The following NUP210L variants were observed in gnomAD, a reference collection of about 807,000 sequenced individuals.
The protein encoded by NUP210L is nuclear pore membrane glycoprotein 210-like.
In NUP210L, 74 loss-of-function variants were observed where a neutral mutation model predicts 208.5. That is an observed-to-expected ratio of 0.35 (90% CI 0.29 to 0.43). The LOEUF (loss-of-function observed/expected upper bound fraction) is 0.43. Among genes scored for constraint, NUP210L ranks in the 20% least tolerant of loss-of-function variants. The probability of loss-of-function intolerance (pLI) is 1.00; values close to 1 mark genes in which losing one functional copy is unlikely to be tolerated. For missense variants in NUP210L, 1,843 were observed against 2,289.4 expected, an observed-to-expected ratio of 0.81 and a Z score of 3.98; for synonymous variants, 780 against 816.9, an observed-to-expected ratio of 0.95 and a Z score of 0.77.
intron 12 of NUP210L, among the ~76,000 whole-genome samples, chr1:154,108,370 A>G (rs1458162540): frequency 6.6e-6 from 1 of 151,974 alleles, no homozygotes; most frequent in African/African-American, 2.4e-5. Flanking sequence ...GTTGGCCAGG[A>G]TGGTCTCGAA....
intron 16 of NUP210L, among the ~76,000 whole-genome samples, chr1:154,081,031 G>A (rs934897672): frequency 4.7e-5 from 7 of 148,800 alleles, no homozygotes; most frequent in South Asian, 2.2e-4. Context: ...AGAAATGGAA[G>A]AAGAGGAACA....
At chr1:154,054,569 AT>A in intron 24 of NUP210L, among the ~76,000 whole-genome samples, 162 bp from the exon 25 acceptor site, 1 of 152,342 alleles carries the variant, frequency 6.6e-6, no homozygotes, top group South Asian at 2.1e-4. Context: ...AGTACTGCAA[AT>A]GATCCATGGG....
At chr1:154,097,027 T>C (rs550028674) in intron 14 of NUP210L, among the ~76,000 whole-genome samples, 48 of 152,196 alleles carry the variant, frequency 3.2e-4, no homozygotes, top group African/African-American at 1.1e-3. Context: ...GTTGCCGAGA[T>C]TGCACCACTG....
chr1:154,115,894 G>A (rs371700065), intron 12 of NUP210L, among the ~76,000 whole-genome samples: 23 of 152,096 alleles, frequency 1.5e-4, no homozygotes, highest in African/African-American at 4.6e-4. Flanking sequence ...CGGGGTGGGC[G>A]GATCACTTGA....
At chr1:154,094,877 G>A in intron 15 of NUP210L, 58 bp downstream of exon 15, 1 of 1,273,144 alleles carries the variant, frequency 7.9e-7, no homozygotes, top group South Asian at 1.3e-5. Flanking sequence ...ATGGCTGGAA[G>A]TACAAAGGAT....
rs201013029 is a variant in NUP210L, at chr1:154,071,871, C to T, written c.2362-1406G>A. 3.2e-4 allele frequency among the ~76,000 whole-genome samples: 48 copies of T among 151,992 alleles called. 4 individuals are homozygous for T. Among genetic ancestry groups the T allele is most frequent in the East Asian group, 2.5e-3 (13 of 5,154 alleles). On this transcript the variant is annotated intron_variant, in intron 16 of 39. Transcript: ENST00000368559. Reference sequence around the variant, plus strand: ...CAGGATGGTCTCAATCCCCTGACCTCGTGATCTGCCCACCTCGGCCTCCCA... The same window carrying T: ...CAGGATGGTCTCAATCCCCTGACCTTGTGATCTGCCCACCTCGGCCTCCCA...
At chr1:154,083,523 G>A (rs1473733277) in intron 16 of NUP210L, among the ~76,000 whole-genome samples, 1 of 152,078 alleles carries the variant, frequency 6.6e-6, no homozygotes, top group Non-Finnish European at 1.5e-5. Flanking sequence ...CTTAGGTGTG[G>A]GCAGTCTTGG....
chr1:154,024,688 AT>A (rs35432384), intron 30 of NUP210L, among the ~76,000 whole-genome samples: 150 of 136,468 alleles, frequency 1.1e-3, no homozygotes, highest in Middle Eastern at 7.6e-3. Flanking sequence ...AAGCCCGGCT[AT>A]TTTTTTTTTT....
chr1:154,106,232 G>A (rs1656756141), intron 12 of NUP210L, among the ~76,000 whole-genome samples: 2 of 152,152 alleles, frequency 1.3e-5, no homozygotes, highest in Admixed American at 1.3e-4. Flanking sequence ...CTGCACTCCA[G>A]CCTGGGTGAC....
intron 2 of NUP210L, among the ~76,000 whole-genome samples, chr1:154,144,823 G>T (rs1270918463): frequency 6.6e-6 from 1 of 152,222 alleles, no homozygotes; most frequent in Non-Finnish European, 1.5e-5. Context: ...CAAAGGAGAG[G>T]CCGGGTGCAG....
chr1:154,019,129 T>C, intron 32 of NUP210L, 60 bp from the exon 33 acceptor site: 1 of 1,555,166 alleles, frequency 6.4e-7, no homozygotes. Flanking sequence ...ACTCTGGACT[T>C]ATTCATACTC....
chr1:154,096,295 A>G (rs1656177424), intron 14 of NUP210L, among the ~76,000 whole-genome samples: 1 of 152,230 alleles, frequency 6.6e-6, no homozygotes, highest in African/African-American at 2.4e-5. Flanking sequence ...ATTAAAACTG[A>G]AAATTTCTAT....
chr1:154,071,414 C>T (rs1654720459), intron 16 of NUP210L, among the ~76,000 whole-genome samples: 1 of 151,600 alleles, frequency 6.6e-6, no homozygotes, highest in Non-Finnish European at 1.5e-5. Context: ...TACAGTGGAC[C>T]CAACTTGTAG....
chr1:154,018,841 T>C lies in NUP210L; in HGVS notation c.4653+92A>G, dbSNP rs548672340. The C allele has an allele frequency of 2.1e-6, 3 of 1,422,312 alleles. No homozygotes were observed. In the South Asian group the frequency reaches 3.9e-5, roughly 18 times the overall value. 88.1% of individuals were successfully genotyped at this position (1,422,312 alleles called of 1,614,324 possible). Reference sequence around the variant, plus strand: ...GCTTTATATCTGTTTTATGAGTGTATTTCCTTTCCTAAGATGTATTTTCTC... The same window carrying C: ...GCTTTATATCTGTTTTATGAGTGTACTTCCTTTCCTAAGATGTATTTTCTC... On this transcript the variant is annotated intron_variant, in intron 33 of 39. Transcript: ENST00000368559.
intron 14 of NUP210L, 76 bp downstream of exon 14, chr1:154,099,922 T>G (rs1275392059): frequency 1.4e-6 from 2 of 1,415,718 alleles, no homozygotes; most frequent in African/African-American, 1.4e-5. Context: ...GGACCACAGA[T>G]AGCTAGTAAG....
chr1:154,001,347 G>A (rs1413748332), intron 36 of NUP210L, among the ~76,000 whole-genome samples: 1 of 152,026 alleles, frequency 6.6e-6, no homozygotes, highest in Non-Finnish European at 1.5e-5. Context: ...ACAGGTGTCC[G>A]CCACCACGTC....
At chr1:154,153,091 C>T (rs1247726898) in intron 1 of NUP210L, among the ~76,000 whole-genome samples, 2 of 152,114 alleles carry the variant, frequency 1.3e-5, no homozygotes, top group Non-Finnish European at 2.9e-5. Flanking sequence ...AAATATCCCT[C>T]CCTCAATTTT....
intron 12 of NUP210L, among the ~76,000 whole-genome samples, chr1:154,111,323 C>CA (rs1278888599): frequency 6.6e-6 from 1 of 151,350 alleles, no homozygotes; most frequent in African/African-American, 2.5e-5. Flanking sequence ...GCAGAGGTTG[C>CA]AATGAGCCCA....
At chr1:154,071,097 G>T (rs1437758314) in intron 16 of NUP210L, among the ~76,000 whole-genome samples, 159 of 147,530 alleles carry the variant, frequency 1.1e-3, no homozygotes, top group African/African-American at 2.4e-3. Flanking sequence ...TTTGTTTTTT[G>T]TTTTTTGTTT....
Sources: gnomAD v4.1 joint callset for allele counts (sites outside exome capture counted in the v4.1 genomes callset) on GRCh38, gnomAD v4.1.1 for gene constraint, MANE v1.5 for transcripts, NCBI Gene and HGNC (gene_info 2026-07-23, HGNC 2026-07-21) for gene names.